Variants in FRAS1 observed in about 807,000 individuals in gnomAD.
FRAS1 encodes the protein Fraser extracellular matrix complex subunit 1, also known as extracellular matrix organizing protein FRAS1.
Under a neutral mutation model 435.2 loss-of-function variants are expected in FRAS1, and 290 were observed. That is an observed-to-expected ratio of 0.67 (90% confidence interval 0.61 to 0.73). FRAS1 has a LOEUF of 0.73. Among genes scored for constraint, FRAS1 ranks in the 30% least tolerant of loss-of-function variants. The pLI is 0.00. For missense variants in FRAS1, 4,860 were observed against 5,001.5 expected (o/e 0.97, Z 0.85); for synonymous variants, 1,800 against 1,851.0 (o/e 0.97, Z 0.71).
intron 20 of FRAS1, among the ~76,000 whole-genome samples, chr4:78,339,963 A>T (rs1730336791): frequency 6.6e-6 from 1 of 152,214 alleles, no homozygotes; most frequent in Non-Finnish European, 1.5e-5. Context: ...TGGCTTTTTT[A>T]TTTAAAATGT....
intron 61 of FRAS1, among the ~76,000 whole-genome samples, chr4:78,506,881 G>A (rs1286660578): frequency 6.6e-6 from 1 of 152,142 alleles, no homozygotes. Context: ...CGGCCATCTT[G>A]GAACGGTACC....
At chr4:78,485,198 T>C (rs1021464020) in intron 58 of FRAS1, among the ~76,000 whole-genome samples, 1 of 152,192 alleles carries the variant, frequency 6.6e-6, no homozygotes, top group Non-Finnish European at 1.5e-5. Context: ...TTGTGAGGAT[T>C]AAATTAGATA....
chr4:78,489,968 C>CAAAAAAA lies in FRAS1; in HGVS notation c.8958+901_8958+907dup, dbSNP rs61568957. Reference sequence around the variant, plus strand: ...ACTCACCACTAAAGCTAGTGGAAAACAAAAAAAAAAAAAAAAAAAGAAAAG... The same window carrying CAAAAAAA: ...ACTCACCACTAAAGCTAGTGGAAAACAAAAAAAAAAAAAAAAAAAAAAAAAAGAAAAG... On this transcript the variant is annotated intron_variant, in intron 59 of 73. Transcript: ENST00000512123. Among the ~76,000 whole-genome samples the CAAAAAAA allele has an allele frequency of 7.1e-3, 654 of 92,306 alleles. 56 individuals carry two copies. The highest frequency in any genetic ancestry group is 9.6e-3 in the East Asian group (24 of 2,508). The allele number at this position is 92,306 out of a possible 152,430, so 60.6% of individuals were successfully genotyped here. A position where few individuals can be genotyped will look rare whatever the true frequency, so the allele number is the denominator to read the frequency against.
At chr4:78,228,182 T>C (rs1408919327) in intron 2 of FRAS1, among the ~76,000 whole-genome samples, 3 of 152,174 alleles carry the variant, frequency 2.0e-5, no homozygotes, top group Admixed American at 6.5e-5. Flanking sequence ...TTTACTTTTT[T>C]CCCCCATTTC....
intron 2 of FRAS1, among the ~76,000 whole-genome samples, chr4:78,232,288 A>ATTT (rs143098706): frequency 6.9e-6 from 1 of 144,066 alleles, no homozygotes; most frequent in African/African-American, 2.5e-5. Flanking sequence ...TACAAGGAAG[A>ATTT]TTTTTTTTTT....
Position 78,264,855 on chromosome 4 carries a change from T to G in FRAS1, c.604-170T>G, listed in dbSNP as rs73827922. ...TCTTAAGGGCACACTGACCTTGGAA[T>G]TGTTCATTCTTATCAGAGTCCCAGG... On this transcript the variant is annotated intron_variant, in intron 6 of 73. Coordinates refer to ENST00000512123, the MANE Select transcript of FRAS1 (RefSeq NM_025074.7). 8.3e-3 allele frequency: 5,750 copies of G among 691,164 alleles called. 222 individuals are homozygous for G. The African/African-American group carries it at 0.088, about 11-fold the overall frequency. 42.8% of individuals were successfully genotyped at this position (691,164 alleles called of 1,614,324 possible). A position where few individuals can be genotyped will look rare whatever the true frequency, so the allele number is the denominator to read the frequency against.
At chr4:78,201,410 A>G (rs1324895693) in intron 2 of FRAS1, among the ~76,000 whole-genome samples, 1 of 152,218 alleles carries the variant, frequency 6.6e-6, no homozygotes, top group Non-Finnish European at 1.5e-5. Flanking sequence ...GGAACTCGAA[A>G]CTTTAGCCTA....
At chr4:78,328,023 A>G (rs556020064) in intron 18 of FRAS1, among the ~76,000 whole-genome samples, 1 of 152,302 alleles carries the variant, frequency 6.6e-6, no homozygotes, top group Admixed American at 6.5e-5. Context: ...TTAGTTCTTA[A>G]ACATTTCCAA....
chr4:78,120,867 G>C (rs1718975433), intron 2 of FRAS1, among the ~76,000 whole-genome samples: 1 of 152,136 alleles, frequency 6.6e-6, no homozygotes. Context: ...ACCAAATCTG[G>C]AGTAGTGATA....
intron 41 of FRAS1, among the ~76,000 whole-genome samples, chr4:78,441,708 A>G (rs1025479190): frequency 3.9e-5 from 6 of 152,238 alleles, no homozygotes; most frequent in Admixed American, 3.3e-4. Context: ...GATTACACTC[A>G]GAAATGAGTG....
intron 26 of FRAS1, among the ~76,000 whole-genome samples, chr4:78,377,217 A>C (rs1731803638): frequency 6.6e-6 from 1 of 152,164 alleles, no homozygotes; most frequent in South Asian, 2.1e-4. Flanking sequence ...ATTTTTTAAC[A>C]CTCATATTCA....
At chr4:78,124,023 C>A (rs923566264) in intron 2 of FRAS1, among the ~76,000 whole-genome samples, 4 of 150,786 alleles carry the variant, frequency 2.7e-5, no homozygotes, top group Non-Finnish European at 6.0e-5. Flanking sequence ...GTTGGATAGG[C>A]GTGAGACAGG....
chr4:78,304,166 T>A (rs2110212444), intron 14 of FRAS1, among the ~76,000 whole-genome samples: 1 of 150,286 alleles, frequency 6.7e-6, no homozygotes, highest in African/African-American at 2.5e-5. Flanking sequence ...ATTTATTGAT[T>A]TGCTTATATT....
At chr4:78,519,183 G>T in intron 66 of FRAS1, 148 bp from the exon 67 acceptor site, 2 of 403,822 alleles carry the variant, frequency 5.0e-6, no homozygotes, top group Non-Finnish European at 8.5e-6. Flanking sequence ...TTTTAAATAA[G>T]TAAGTGCAAT....
At chr4:78,518,442 A>G (rs866544428) in intron 66 of FRAS1, among the ~76,000 whole-genome samples, 2 of 66,878 alleles carry the variant, frequency 3.0e-5, no homozygotes, top group Non-Finnish European at 7.3e-5. Flanking sequence ...ATATATATAT[A>G]TATATATATA....
At chr4:78,404,320 A>T (rs1578302157) in intron 30 of FRAS1, among the ~76,000 whole-genome samples, 2 of 150,744 alleles carry the variant, frequency 1.3e-5, no homozygotes, top group African/African-American at 4.9e-5. Context: ...AGTAGAGATC[A>T]TTTTCTGTTT....
At chr4:78,357,487 A>T (rs2110288578) in intron 20 of FRAS1, among the ~76,000 whole-genome samples, 1 of 152,276 alleles carries the variant, frequency 6.6e-6, no homozygotes, top group Admixed American at 6.5e-5. Context: ...AGCAAAGGGA[A>T]TGGTTCCTCT....
At chr4:78,148,967 T>A (rs533130818) in intron 2 of FRAS1, among the ~76,000 whole-genome samples, 68 of 152,312 alleles carry the variant, frequency 4.5e-4, no homozygotes, top group African/African-American at 1.3e-3. Context: ...AGTATTTTTT[T>A]AAAAAACTTT....
intron 14 of FRAS1, among the ~76,000 whole-genome samples, chr4:78,297,634 C>A (rs915294575): frequency 1.3e-5 from 2 of 152,166 alleles, no homozygotes; most frequent in African/African-American, 4.8e-5. Context: ...CCAGAAAAGT[C>A]AGGGACCTTA....
Sources: allele counts gnomAD v4.1 joint callset (sites outside exome capture counted in the v4.1 genomes callset), GRCh38; gene constraint gnomAD v4.1.1; transcripts MANE v1.5; gene names NCBI Gene and HGNC (gene_info 2026-07-23, HGNC 2026-07-21).